Variants in HMMR observed in about 807,000 individuals in gnomAD.
HMMR encodes hyaluronan mediated motility receptor.
Under a neutral mutation model 101.0 loss-of-function variants are expected in HMMR, and 108 were observed. The ratio of observed to expected loss-of-function variants is 1.07; its 90% CI spans 0.92 to 1.25. The LOEUF is 1.25. HMMR is among the 50% of genes most tolerant of loss of function. The pLI is 0.00. For synonymous variants in HMMR, 296 were observed against 276.4 expected (o/e 1.07, Z -0.70); for missense variants, 813 against 788.7 (o/e 1.03, Z -0.37).
chr5:163,468,612 C>G (rs2113465567), intron 4 of HMMR, among the ~76,000 whole-genome samples: 1 of 152,258 alleles, frequency 6.6e-6, no homozygotes, highest in African/African-American at 2.4e-5. Flanking sequence ...CTCAGTTGCT[C>G]TGATTCTTTT....
chr5:163,473,222 GA>G lies in HMMR; in HGVS notation c.699del (p.Lys233AsnfsTer21). 1 of 1,578,692 alleles carries G rather than the reference GA, an allele frequency of 6.3e-7. No homozygotes were observed. Among genetic ancestry groups the G allele is most frequent in the Middle Eastern group, 1.7e-4 (1 of 5,860 alleles). Reference sequence around the variant, plus strand: ...AAAGATTGATGAAAAATCTGAAACAGAAAAACTCTTGGAATACATCGAAGAA... The same window carrying G: ...AAAGATTGATGAAAAATCTGAAACAGAAAACTCTTGGAATACATCGAAGAA... ...KEKIDEKSET[E>X]KLLEYIEEIS... is the part of the protein sequence containing the mutation. On this transcript the variant is annotated frameshift_variant, in exon 8 of 18. Transcript: ENST00000393915. LOFTEE classifies it high-confidence loss of function.
At chr5:163,487,844 A>AT (rs1759531420) in intron 16 of HMMR, among the ~76,000 whole-genome samples, 1 of 148,344 alleles carries the variant, frequency 6.7e-6, no homozygotes, top group Admixed American at 6.7e-5. Flanking sequence ...AAAGAACTTT[A>AT]TTTTTTTGTT....
chr5:163,472,272 C>A (rs1375778950), intron 7 of HMMR, among the ~76,000 whole-genome samples: 1 of 151,976 alleles, frequency 6.6e-6, no homozygotes, highest in African/African-American at 2.4e-5. Flanking sequence ...TCATCCAAAC[C>A]GTTCTGTATA....
chr5:163,489,796 C>G (rs1285012893), intron 16 of HMMR, among the ~76,000 whole-genome samples: 1 of 152,176 alleles, frequency 6.6e-6, no homozygotes, highest in African/African-American at 2.4e-5. Flanking sequence ...ATGAGAAACT[C>G]TGATGTCCTG....
chr5:163,463,767 T>A, intron 1 of HMMR, 89 bp from the exon 2 acceptor site: 1 of 525,478 alleles, frequency 1.9e-6, no homozygotes, highest in Non-Finnish European at 3.2e-6. Context: ...ATGACATTTT[T>A]ACATTTATAT....
chr5:163,489,116 A>G (rs1759586496), intron 16 of HMMR: 1 of 152,266 alleles, frequency 6.6e-6, no homozygotes. Context: ...TCTCATAAGG[A>G]GCATGCAGCC....
At chr5:163,465,919 C>T (rs1235454765) in intron 3 of HMMR, among the ~76,000 whole-genome samples, 2 of 149,502 alleles carry the variant, frequency 1.3e-5, no homozygotes, top group African/African-American at 5.0e-5. Context: ...CAAGGTGGTG[C>T]CACTGTACTC....
intron 16 of HMMR, among the ~76,000 whole-genome samples, chr5:163,488,065 AGGCT>A (rs1393850975): frequency 2.6e-5 from 4 of 152,184 alleles, no homozygotes; most frequent in African/African-American, 9.7e-5. Context: ...CATGTTGCCC[AGGCT>A]GGTCTGGAGC....
At chr5:163,474,800 T>G (rs1368156910) in intron 10 of HMMR, among the ~76,000 whole-genome samples, 1 of 152,088 alleles carries the variant, frequency 6.6e-6, no homozygotes, top group African/African-American at 2.4e-5. Context: ...CATGCACTGA[T>G]GTGAAATATT....
chr5:163,483,971 A>G (rs1759374444), intron 15 of HMMR, 98 bp from the exon 16 acceptor site: 3 of 661,232 alleles, frequency 4.5e-6, no homozygotes, highest in Non-Finnish European at 7.8e-6. Flanking sequence ...CCTTGTTTTC[A>G]TTTGTGTTTT....
intron 16 of HMMR, among the ~76,000 whole-genome samples, chr5:163,488,982 T>C (rs1167620349): frequency 6.6e-6 from 1 of 152,222 alleles, no homozygotes; most frequent in Non-Finnish European, 1.5e-5. Context: ...CCAACCTTTT[T>C]GGCACCAGGG....
intron 10 of HMMR, chr5:163,474,714 T>G (rs1419929300): frequency 1.0e-5 from 4 of 394,868 alleles, no homozygotes; most frequent in Non-Finnish European, 2.0e-5. Flanking sequence ...AATATTTTTT[T>G]CACTTACAAA....
chr5:163,478,905 C>A (rs1759161276), intron 12 of HMMR, 105 bp downstream of exon 12: 1 of 649,246 alleles, frequency 1.5e-6, no homozygotes, highest in East Asian at 2.7e-5. Context: ...ATGATTCATA[C>A]TAGTTTAAAT....
chr5:163,470,004 C>A, intron 5 of HMMR, 175 bp downstream of exon 5: 1 of 451,370 alleles, frequency 2.2e-6, no homozygotes, highest in Non-Finnish European at 3.9e-6. Flanking sequence ...CCTGTCTCTA[C>A]TAAAAATACA....
intron 7 of HMMR, 78 bp downstream of exon 7, chr5:163,471,541 C>G: frequency 1.1e-6 from 1 of 947,484 alleles, no homozygotes; most frequent in Non-Finnish European, 1.7e-6. Flanking sequence ...TTATTGTTTA[C>G]TGAGACTTCA....
chr5:163,482,070 C>T (rs772337854), intron 12 of HMMR, among the ~76,000 whole-genome samples: 1 of 152,148 alleles, frequency 6.6e-6, no homozygotes, highest in Non-Finnish European at 1.5e-5. Context: ...TGTCCACCAC[C>T]ACGCTTGGCT....
intron 7 of HMMR, among the ~76,000 whole-genome samples, chr5:163,471,983 C>G (rs1173888003): frequency 6.6e-6 from 1 of 152,006 alleles, no homozygotes; most frequent in Non-Finnish European, 1.5e-5. Context: ...GTCCCCATCC[C>G]CATAACTACT....
chr5:163,483,702 G>A (rs1759363897), intron 15 of HMMR, among the ~76,000 whole-genome samples: 1 of 151,932 alleles, frequency 6.6e-6, no homozygotes, highest in Admixed American at 6.6e-5. Context: ...TTTAATTTGT[G>A]GTATGACTTA....
In HMMR at chr5:163,474,221, AT is replaced by A. The variant is rs2113481165; in HGVS notation, c.1053+23del. 2 of 1,589,232 alleles carry A rather than the reference AT, an allele frequency of 1.3e-6. No individual in the cohort carries two copies. Among genetic ancestry groups the A allele is most frequent in the Non-Finnish European group, 1.7e-6 (2 of 1,165,338 alleles). ...ACAAGAGAAAGTAATTTACCACCAT[AT>A]TTTTTTAAACTGTTCATTTTGTGTC... On this transcript the variant is annotated intron_variant, in intron 10 of 17. Coordinates refer to ENST00000393915, the MANE Select transcript of HMMR (RefSeq NM_001142556.2).
Sources: allele counts gnomAD v4.1 joint callset (sites outside exome capture counted in the v4.1 genomes callset), GRCh38; gene constraint gnomAD v4.1.1; transcripts MANE v1.5; gene names NCBI Gene and HGNC (gene_info 2026-07-23, HGNC 2026-07-21).